Variants in WDPCP observed in about 807,000 individuals in gnomAD.
WDPCP encodes WD repeat-containing and planar cell polarity effector protein fritz homolog.
WDPCP carries 71 observed loss-of-function variants against 93.1 expected under a neutral mutation model. The ratio of observed to expected loss-of-function variants is 0.76; its 90% CI spans 0.63 to 0.93. WDPCP has a LOEUF of 0.93. Ranked by LOEUF, WDPCP falls within the 40% of genes least tolerant of loss-of-function variation. The probability of loss-of-function intolerance (pLI) is 0.00; values close to 1 mark genes in which losing one functional copy is unlikely to be tolerated. For missense variants in WDPCP, 844 were observed against 887.4 expected, an observed-to-expected ratio of 0.95 and a Z score of 0.62; for synonymous variants, 315 against 315.0, an observed-to-expected ratio of 1.00 and a Z score of 0.00.
intron 2 of WDPCP, among the ~76,000 whole-genome samples, chr2:63,715,813 A>G (rs1252479744): frequency 6.6e-6 from 1 of 152,200 alleles, no homozygotes; most frequent in African/African-American, 2.4e-5. Context: ...GCCATTCGTC[A>G]TAAAATCAGA....
intron 15 of WDPCP, among the ~76,000 whole-genome samples, chr2:63,171,446 T>G (rs1673383680): frequency 6.6e-6 from 1 of 152,166 alleles, no homozygotes. Context: ...ACATCATTAG[T>G]TGTTAGGGAA....
At chr2:63,797,833 G>A (rs182173636) in intron 2 of WDPCP, among the ~76,000 whole-genome samples, 1,854 of 152,070 alleles carry the variant, frequency 0.012, 17 homozygotes, top group Non-Finnish European at 0.015. Context: ...AGAGGTTATA[G>A]AACACCAAGC....
In WDPCP at chr2:63,704,737, A is replaced by G. The variant is rs181481695; in HGVS notation, n.309-53899T>C. 4.2e-3 allele frequency among the ~76,000 whole-genome samples: 638 copies of G among 152,274 alleles called. 3 individuals are homozygous for G. The highest frequency in any genetic ancestry group is 0.014 in the African/African-American group (598 of 41,542). ...GAGGATTTTTGCATCGATGTTCATC[A>G]AGGATATTGGTCTAAAATGCTCTTT... On this transcript the variant is annotated intron_variant and non_coding_transcript_variant, in intron 2 of 4. Coordinates refer to the WDPCP transcript ENST00000467687.
In WDPCP at chr2:63,629,383, G is replaced by A. The variant is rs141825931; in HGVS notation, n.488+21276C>T. ...CTGGGGAAGTATCAGAGAAGGCCAAGTAGAATTCTATGACTTTCATCCCAC... is the reference window on the plus strand; with the variant it reads ...CTGGGGAAGTATCAGAGAAGGCCAAATAGAATTCTATGACTTTCATCCCAC... On this transcript the variant is annotated intron_variant and non_coding_transcript_variant, in intron 3 of 4. Transcript: ENST00000467687. Among the ~76,000 whole-genome samples the A allele has an allele frequency of 7.9e-5, 12 of 152,360 alleles. No homozygotes were observed. In the East Asian group the frequency reaches 2.1e-3, roughly 27 times the overall value.
intron 10 of WDPCP, among the ~76,000 whole-genome samples, chr2:63,402,816 T>C (rs976555401): frequency 6.6e-6 from 1 of 152,226 alleles, no homozygotes; most frequent in Non-Finnish European, 1.5e-5. Flanking sequence ...GGAATGCTTA[T>C]GCACTGTGAG....
intron 13 of WDPCP, among the ~76,000 whole-genome samples, chr2:63,274,279 T>TA (rs1450045019): frequency 6.6e-6 from 1 of 151,492 alleles, no homozygotes; most frequent in East Asian, 1.9e-4. Context: ...AAGAAGGAAA[T>TA]AAAAAAATGA....
At chr2:63,138,290 C>G (rs1670786763) in intron 17 of WDPCP, among the ~76,000 whole-genome samples, 3 of 151,870 alleles carry the variant, frequency 2.0e-5, no homozygotes, top group Admixed American at 6.6e-5. Context: ...GTCAAGCTGC[C>G]CTGAGGAGAG....
intron 1 of WDPCP, among the ~76,000 whole-genome samples, chr2:63,543,668 A>G (rs1337298467): frequency 6.6e-6 from 1 of 152,042 alleles, no homozygotes; most frequent in Non-Finnish European, 1.5e-5. Context: ...TTGAATATAC[A>G]TAGGAATGCA....
intron 2 of WDPCP, among the ~76,000 whole-genome samples, chr2:63,793,159 A>G (rs1170503886): frequency 6.6e-6 from 1 of 152,040 alleles, no homozygotes; most frequent in Non-Finnish European, 1.5e-5. Flanking sequence ...TGCCCACACC[A>G]GAGTACAGTG....
At chr2:63,792,435 G>A (rs1018677725) in intron 2 of WDPCP, among the ~76,000 whole-genome samples, 1 of 152,114 alleles carries the variant, frequency 6.6e-6, no homozygotes, top group African/African-American at 2.4e-5. Flanking sequence ...TCGCTCCCTC[G>A]ACACATGGGA....
intron 6 of WDPCP, among the ~76,000 whole-genome samples, chr2:63,448,810 G>C (rs1402890763): frequency 6.6e-6 from 1 of 152,086 alleles, no homozygotes; most frequent in African/African-American, 2.4e-5. Context: ...ATCTAAAAAA[G>C]TAAAACTCAT....
At chr2:63,259,030 GCT>G (rs1362429300) in intron 14 of WDPCP, among the ~76,000 whole-genome samples, 2 of 152,090 alleles carry the variant, frequency 1.3e-5, no homozygotes, top group African/African-American at 2.4e-5. Context: ...ATAATACTAA[GCT>G]CTTTCTCCCA....
upstream of WDPCP, chr2:63,589,817 C>A: frequency 4.4e-6 from 1 of 227,228 alleles, no homozygotes. Flanking sequence ...GGAACTCTGG[C>A]GTAGGAATAA....
At chr2:63,361,702 TTTGTTGTTG>T (rs768732627) in intron 12 of WDPCP, among the ~76,000 whole-genome samples, 1 of 152,132 alleles carries the variant, frequency 6.6e-6, no homozygotes, top group South Asian at 2.1e-4. Flanking sequence ...CTTTCATTTG[TTTGTTGTTG>T]TTGTTGTTTT....
intron 2 of WDPCP, among the ~76,000 whole-genome samples, chr2:63,668,090 T>G (rs1710303813): frequency 6.6e-6 from 1 of 152,184 alleles, no homozygotes; most frequent in East Asian, 1.9e-4. Flanking sequence ...TTTAAAGGGT[T>G]TTGGTGAGTG....
intron 14 of WDPCP, among the ~76,000 whole-genome samples, chr2:63,190,833 G>A (rs1674987435): frequency 6.6e-6 from 1 of 152,142 alleles, no homozygotes; most frequent in Non-Finnish European, 1.5e-5. Flanking sequence ...TACAGGATGG[G>A]ATAGGGAGTG....
At chr2:63,733,434 C>A (rs890735776) in intron 2 of WDPCP, among the ~76,000 whole-genome samples, 2 of 146,578 alleles carry the variant, frequency 1.4e-5, no homozygotes, top group Non-Finnish European at 3.0e-5. Context: ...GATCTCCTGA[C>A]CTCATGATCC....
chr2:63,378,564 A>G (rs1359353004), intron 11 of WDPCP, 55 bp from the exon 12 acceptor site: 17 of 1,610,724 alleles, frequency 1.1e-5, no homozygotes, highest in African/African-American at 2.7e-5. Flanking sequence ...TTCAATTACA[A>G]CAAAATACTC....
At position 63,285,887 on chromosome 2, in the gene WDPCP, C is replaced by T. The variant is rs868447426; in HGVS notation, c.1813-26478G>A. Among the ~76,000 whole-genome samples, 2 of 152,290 alleles carry T rather than the reference C, an allele frequency of 1.3e-5. 1 individual carries two copies. The highest frequency in any genetic ancestry group is 6.8e-3 in the Middle Eastern group (2 of 294). ...TAAAGACTTAAACTTCACTGTTAAC[C>T]AACTGACCTAATTATCATTTAAAGA... On this transcript the variant is annotated intron_variant, in intron 13 of 17. Transcript: ENST00000272321.
Sources: allele counts gnomAD v4.1 joint callset (sites outside exome capture counted in the v4.1 genomes callset), GRCh38; gene constraint gnomAD v4.1.1; transcripts MANE v1.5; gene names NCBI Gene and HGNC (gene_info 2026-07-23, HGNC 2026-07-21).